ATRNL1: variants seen among roughly 807,000 people sequenced by gnomAD.
ATRNL1 encodes attractin-like protein 1.
Under a neutral mutation model 182.7 loss-of-function variants are expected in ATRNL1, and 95 were observed. That is an observed-to-expected ratio of 0.52 (90% CI 0.44 to 0.62). ATRNL1 has a LOEUF of 0.62. Ranked by LOEUF, ATRNL1 falls within the 20% of genes least tolerant of loss-of-function variation. The pLI is 0.00. For missense variants in ATRNL1, 1,471 were observed against 1,679.5 expected (o/e 0.88, Z 2.17); for synonymous variants, 576 against 568.3 (o/e 1.01, Z -0.19).
At chr10:115,446,519 A>G (rs1265593878) in intron 21 of ATRNL1, among the ~76,000 whole-genome samples, 1 of 63,996 alleles carries the variant, frequency 1.6e-5, no homozygotes, top group Non-Finnish European at 3.1e-5. Flanking sequence ...TAAATAGCTA[A>G]AAAAACTCTG....
chr10:115,310,505 C>T (rs1011779610), intron 17 of ATRNL1, among the ~76,000 whole-genome samples: 1 of 151,806 alleles, frequency 6.6e-6, no homozygotes, highest in Admixed American at 6.6e-5. Context: ...TGATTCAGTC[C>T]CGCTGCTTGT....
intron 26 of ATRNL1, among the ~76,000 whole-genome samples, chr10:115,661,445 T>C (rs1555037675): frequency 6.6e-6 from 1 of 152,178 alleles, no homozygotes; most frequent in Non-Finnish European, 1.5e-5. Context: ...TTAAATTTAA[T>C]AAAATTCAAA....
intron 21 of ATRNL1, among the ~76,000 whole-genome samples, chr10:115,458,921 A>G (rs1286597412): frequency 1.3e-5 from 2 of 152,162 alleles, no homozygotes; most frequent in Admixed American, 6.6e-5. Flanking sequence ...AGGGACCCCA[A>G]ATGGAGGGAC....
chr10:115,296,618 T>C (rs782408274), intron 15 of ATRNL1, among the ~76,000 whole-genome samples: 1 of 152,216 alleles, frequency 6.6e-6, no homozygotes, highest in Non-Finnish European at 1.5e-5. Context: ...ATTATATCCT[T>C]TGGCTTTTAT....
At chr10:115,699,690 AT>A (rs1946672578) in intron 26 of ATRNL1, among the ~76,000 whole-genome samples, 1 of 152,168 alleles carries the variant, frequency 6.6e-6, no homozygotes, top group Non-Finnish European at 1.5e-5. Flanking sequence ...ATTATTTTAA[AT>A]AATTGCAGCT....
chr10:115,368,125 T>C (rs1857164488), intron 19 of ATRNL1, among the ~76,000 whole-genome samples: 1 of 152,168 alleles, frequency 6.6e-6, no homozygotes, highest in Admixed American at 6.5e-5. Flanking sequence ...TCCCCCAGGC[T>C]CGCTGCTGCC....
At chr10:115,718,308 C>T (rs1304043894) in intron 26 of ATRNL1, among the ~76,000 whole-genome samples, 8 of 151,656 alleles carry the variant, frequency 5.3e-5, no homozygotes, top group Admixed American at 2.0e-4. Flanking sequence ...ATTTTGTTTC[C>T]CATAGCAATT....
intron 25 of ATRNL1, among the ~76,000 whole-genome samples, chr10:115,540,280 C>T (rs545385121): frequency 1.3e-5 from 2 of 152,118 alleles, no homozygotes; most frequent in African/African-American, 2.4e-5. Context: ...GCTTTGGGCC[C>T]GGACTGAACA....
intron 10 of ATRNL1, among the ~76,000 whole-genome samples, chr10:115,245,152 A>G (rs895554190): frequency 2.0e-5 from 3 of 152,120 alleles, no homozygotes; most frequent in African/African-American, 7.2e-5. Context: ...AATAATGTAT[A>G]TTCTTAACCA....
chr10:115,119,736 C>T (rs1453588078), intron 1 of ATRNL1, among the ~76,000 whole-genome samples: 1 of 152,004 alleles, frequency 6.6e-6, no homozygotes, highest in East Asian at 1.9e-4. Context: ...CCTATTTTAG[C>T]AATACCAGTA....
intron 6 of ATRNL1, among the ~76,000 whole-genome samples, chr10:115,162,881 C>T (rs1339723405): frequency 1.3e-5 from 2 of 151,748 alleles, no homozygotes; most frequent in Non-Finnish European, 2.9e-5. Flanking sequence ...ATGTCAAATG[C>T]TGACGATTAT....
chr10:115,640,876 GT>G (rs1274476549), intron 26 of ATRNL1, among the ~76,000 whole-genome samples: 1 of 151,866 alleles, frequency 6.6e-6, no homozygotes, highest in Non-Finnish European at 1.5e-5. Flanking sequence ...TATTGCCTAG[GT>G]TTTCTTCTAG....
intron 26 of ATRNL1, among the ~76,000 whole-genome samples, chr10:115,638,961 AG>A (rs1555029260): frequency 6.6e-6 from 1 of 152,184 alleles, no homozygotes; most frequent in Non-Finnish European, 1.5e-5. Flanking sequence ...AGTGGAGAAG[AG>A]GGTGGGGCTG....
intron 18 of ATRNL1, among the ~76,000 whole-genome samples, chr10:115,322,190 A>G (rs1554931718): frequency 6.6e-6 from 1 of 151,864 alleles, no homozygotes; most frequent in African/African-American, 2.4e-5. Context: ...TTTTGGTCTT[A>G]TTTTTGCTAC....
chr10:115,794,533 A>T (rs903856112), intron 27 of ATRNL1, among the ~76,000 whole-genome samples: 19 of 152,216 alleles, frequency 1.2e-4, no homozygotes, highest in African/African-American at 4.6e-4. Context: ...CTTGACTTTC[A>T]TGGGCTTGAT....
intron 19 of ATRNL1, among the ~76,000 whole-genome samples, chr10:115,388,996 A>G (rs1843823446): frequency 6.6e-6 from 1 of 152,160 alleles, no homozygotes; most frequent in African/African-American, 2.4e-5. Flanking sequence ...CCAGTAGATT[A>G]CTAAAGCTTA....
At chr10:115,772,593 C>CTGTGTGTGTGTGTGTGTGTGTGTGTG (rs71475107) in intron 27 of ATRNL1, among the ~76,000 whole-genome samples, 1 of 125,620 alleles carries the variant, frequency 8.0e-6, no homozygotes, top group Non-Finnish European at 1.7e-5. Flanking sequence ...AATATATACT[C>CTGTGTGTGTGTGTGTGTGTGTGTGTG]TGTCTGTGTG....
intron 27 of ATRNL1, among the ~76,000 whole-genome samples, chr10:115,790,572 A>G (rs1949506747): frequency 6.6e-6 from 1 of 152,074 alleles, no homozygotes; most frequent in Non-Finnish European, 1.5e-5. Context: ...GAGTGAGGGT[A>G]GAGAGAGTGA....
At chr10:115,434,584 A>C in intron 21 of ATRNL1, among the ~76,000 whole-genome samples, 1 of 152,220 alleles carries the variant, frequency 6.6e-6, no homozygotes, top group East Asian at 1.9e-4. Context: ...AAGAGGATCT[A>C]AATAATTAAA....
Sources: allele counts gnomAD v4.1 joint callset (sites outside exome capture counted in the v4.1 genomes callset), GRCh38; gene constraint gnomAD v4.1.1; transcripts MANE v1.5; gene names NCBI Gene and HGNC (gene_info 2026-07-23, HGNC 2026-07-21).